Variants in NR4A2 observed in about 807,000 individuals in gnomAD.
The protein encoded by NR4A2 is NGFI-B/nur77 beta-type transcription factor homolog.
In NR4A2, 1 loss-of-function variant was observed where a neutral mutation model predicts 50.5. That is an observed-to-expected ratio of 0.02 (90% confidence interval 0.01 to 0.09). The LOEUF (loss-of-function observed/expected upper bound fraction) is 0.09, where lower values mean the gene tolerates loss of function less well. NR4A2 is among the 10% of genes least tolerant of loss of function. The pLI is 1.00. For missense variants in NR4A2, 613 were observed against 777.3 expected, an observed-to-expected ratio of 0.79 and a Z score of 2.51; for synonymous variants, 328 against 309.4, an observed-to-expected ratio of 1.06 and a Z score of -0.63.
chr2:156,329,919 T>C lies in NR4A2; in HGVS notation c.268A>G (p.Ile90Val), dbSNP rs1244358085. 6.2e-7 allele frequency: 1 copy of C among 1,614,130 alleles called. No homozygotes were observed. The highest frequency in any genetic ancestry group is 1.1e-5 in the South Asian group (1 of 91,082). ...QMPLSGQQSS[I>V]KVEDIQMHNY... ...TGCATCTGAATGTCTTCTACCTTAA[T>C]GGAGGACTGCTGTCCGGACAGGGGC... Residue 90 changes from isoleucine to valine, a missense_variant, in exon 3 of 8, where the codon ATT becomes GTT. This residue lies in a region of NR4A2 where 275 missense variants were observed against 248.9 expected (regional missense o/e 1.10). Coordinates refer to ENST00000339562, the MANE Select transcript of NR4A2 (RefSeq NM_006186.4). The surrounding 1 kb of genome is among the most constrained non-coding windows in gnomAD (Gnocchi z 7.5).
Position 156,329,674 on chromosome 2 carries a change from G to A in NR4A2, c.513C>T (p.Ser171=). The A allele has an allele frequency of 6.2e-7, 1 of 1,614,004 alleles. No individual in the cohort carries two copies. Among genetic ancestry groups the A allele is most frequent in the Non-Finnish European group, 8.5e-7 (1 of 1,179,940 alleles). The change falls in exon 3 of 8, where the codon TCC becomes TCT. Residue 171 remains serine, a synonymous_variant. Coordinates refer to ENST00000339562, the MANE Select transcript of NR4A2 (RefSeq NM_006186.4). The surrounding 1 kb of genome is among the most constrained non-coding windows in gnomAD (Gnocchi z 7.5). ...GCTTAAAGGAGAAGAGGGAGAGGCG[G>A]GAGACTGGCGTTTTCCTCTGCTCGA... The part of the protein sequence containing the change: ...HMIEQRKTPV[S]RLSLFSFKQS...
intron 1 of NR4A2, 147 bp downstream of exon 1, chr2:156,332,333 G>A: frequency 1.8e-6 from 1 of 557,590 alleles, no homozygotes; most frequent in Non-Finnish European, 2.9e-6. Context: ...CTGCGCGCAC[G>A]CACTCCCCAT....
rs1293045564 is a variant in NR4A2, at chr2:156,326,679, C to T, written c.1361+39G>A. On this transcript the variant is annotated intron_variant, in intron 6 of 7. Transcript: ENST00000339562. This position sits in a 1 kb window ranked among gnomAD's most constrained non-coding sequence, Gnocchi z 4.2. ...TTTCTTTTCCTTTCTTGATTTCTCT[C>T]ACAGCCTCCCTGGATTGTCTCCCTC... 4 of 1,572,314 alleles carry T rather than the reference C, an allele frequency of 2.5e-6. No individual in the cohort carries two copies. Among genetic ancestry groups the T allele is most frequent in the Non-Finnish European group, 3.4e-6 (4 of 1,161,010 alleles).
rs1553456029 is a variant in NR4A2 at position 156,326,708 on chromosome 2, C to T, written c.1361+10G>A. ...GCCTCCCTGGATTGTCTCCCTCCCT[C>T]CCTTATTACCTGTATGCTAATCGAA... On this transcript the variant is annotated intron_variant, in intron 6 of 7. Coordinates refer to ENST00000339562, the MANE Select transcript of NR4A2 (RefSeq NM_006186.4). This position sits in a 1 kb window ranked among gnomAD's most constrained non-coding sequence, Gnocchi z 4.2. 1.5e-5 allele frequency: 24 copies of T among 1,613,674 alleles called. No homozygotes were observed. Among genetic ancestry groups the T allele is most frequent in the Non-Finnish European group, 1.9e-5 (23 of 1,179,716 alleles).
In NR4A2 at chr2:156,325,659, A is replaced by ACGGCTAT. The variant is rs1367275844; in HGVS notation, c.*78_*84dup. 2 of 1,547,476 alleles carry ACGGCTAT rather than the reference A, an allele frequency of 1.3e-6. No homozygotes were observed. Among genetic ancestry groups the ACGGCTAT allele is most frequent in the African/African-American group, 2.7e-5 (2 of 73,486 alleles). ...GGCAGCTTGAGCTGAGACTGCTCAC[A>ACGGCTAT]CGGCTATCTCTGCCCATGTGACTTG... On this transcript the variant is annotated 3_prime_UTR_variant, in exon 8 of 8. Coordinates refer to ENST00000339562, the MANE Select transcript of NR4A2 (RefSeq NM_006186.4).
At position 156,328,132 on chromosome 2, in the gene NR4A2, C is replaced by T. The variant is rs778308914; in HGVS notation, c.995-118G>A. On this transcript the variant is annotated intron_variant, in intron 4 of 7. Coordinates refer to ENST00000339562, the MANE Select transcript of NR4A2 (RefSeq NM_006186.4). This position sits in a 1 kb window ranked among gnomAD's most constrained non-coding sequence, Gnocchi z 4.9. ...CACCAGGCTGAGCGGCTGAGGGCCC[C>T]AGTGCTTGTAAAGCCTTCACTGACT... The T allele has an allele frequency of 3.5e-5, 48 of 1,369,544 alleles. No homozygotes were observed. The highest frequency in any genetic ancestry group is 4.5e-5 in the Non-Finnish European group (44 of 988,312). 84.8% of individuals were successfully genotyped at this position (1,369,544 alleles called of 1,614,324 possible).
Position 156,326,350 on chromosome 2 carries a change from G to C in NR4A2, c.1362-22C>G. The C allele has an allele frequency of 1.2e-6, 2 of 1,605,422 alleles. No individual in the cohort carries two copies. Among genetic ancestry groups the C allele is most frequent in the Non-Finnish European group, 1.7e-6 (2 of 1,172,020 alleles). On this transcript the variant is annotated intron_variant, in intron 6 of 7. Coordinates refer to ENST00000339562, the MANE Select transcript of NR4A2 (RefSeq NM_006186.4). The surrounding 1 kb of genome is among the most constrained non-coding windows in gnomAD (Gnocchi z 4.2). ...GGACCTGCAATTAATACCAAAGAGAGAGAGGGGAGAAAAAGAGAGAGAGAA... is the reference window on the plus strand; with the variant it reads ...GGACCTGCAATTAATACCAAAGAGACAGAGGGGAGAAAAAGAGAGAGAGAA...
rs752681839 is a variant in NR4A2 at position 156,329,819 on chromosome 2, T to C, written c.368A>G (p.Lys123Arg). 1.2e-6 allele frequency: 2 copies of C among 1,614,096 alleles called. No individual in the cohort carries two copies. Among genetic ancestry groups the C allele is most frequent in the East Asian group, 2.2e-5 (1 of 44,876 alleles). ...GGTGGGCGTCGGGGGCGAGGAGGGC[T>C]TGTAGTAAACCGACCCGGAGTGCGG... ...MMPHSGSVYY[K>R]PSSPPTPTTP... is the part of the protein sequence containing the mutation. The change falls in exon 3 of 8, where the codon AAG (lysine) becomes AGG (arginine). Residue 123 changes from lysine (K) to arginine (R), a missense_variant. Lys to Arg is a conservative substitution (Grantham distance 26). Around this residue, in one of 4 missense-constraint regions of NR4A2, gnomAD observed 275 missense variants for 248.9 expected, o/e 1.10. Coordinates refer to ENST00000339562, the MANE Select transcript of NR4A2 (RefSeq NM_006186.4). This position sits in a 1 kb window ranked among gnomAD's most constrained non-coding sequence, Gnocchi z 7.5.
rs376055587 is a variant in NR4A2 at position 156,326,040 on chromosome 2, A to G, written c.1541-40T>C. On this transcript the variant is annotated intron_variant, in intron 7 of 7. Coordinates refer to ENST00000339562, the MANE Select transcript of NR4A2 (RefSeq NM_006186.4). The surrounding 1 kb of genome is among the most constrained non-coding windows in gnomAD (Gnocchi z 4.2). ...ATCAGAAACAAAAGAAGAATGTACA[A>G]GACAGTTAGCTAGTTGGCAAAACCA... The G allele has an allele frequency of 1.2e-5, 20 of 1,613,916 alleles. No homozygotes were observed. Among genetic ancestry groups the G allele is most frequent in the Non-Finnish European group, 1.5e-5 (18 of 1,179,962 alleles).
chr2:156,331,335 CT>C (rs1246682990), intron 1 of NR4A2, among the ~76,000 whole-genome samples: 2 of 152,208 alleles, frequency 1.3e-5, no homozygotes, highest in Non-Finnish European at 2.9e-5. Context: ...AGCATCCGCA[CT>C]TCTAAAGTGC....
chr2:156,326,136 C>A lies in NR4A2; in HGVS notation c.1540+14G>T, dbSNP rs890729993. ...AGTTCTGGAGGGGAAGCGCCCTGCGCCTGCAGTACTGACCTGTGACCATAG... is the reference window on the plus strand; with the variant it reads ...AGTTCTGGAGGGGAAGCGCCCTGCGACTGCAGTACTGACCTGTGACCATAG... On this transcript the variant is annotated intron_variant, in intron 7 of 7. Coordinates refer to ENST00000339562, the MANE Select transcript of NR4A2 (RefSeq NM_006186.4). This position sits in a 1 kb window ranked among gnomAD's most constrained non-coding sequence, Gnocchi z 4.2. 3.7e-6 allele frequency: 6 copies of A among 1,614,050 alleles called. No homozygotes were observed. Among genetic ancestry groups the A allele is most frequent in the Non-Finnish European group, 5.1e-6 (6 of 1,180,024 alleles).
At position 156,328,483 on chromosome 2, in the gene NR4A2, G is replaced by A. The variant is rs201103933; in HGVS notation, c.915C>T (p.Cys305=). 115 of 1,614,170 alleles carry A rather than the reference G, an allele frequency of 7.1e-5. 1 individual carries two copies. The highest frequency in any genetic ancestry group is 5.7e-4 in the South Asian group (52 of 91,088). ...GATTCCGGCGACGCTTGTCCACTGGGCAGTTTTTATTTGCTAAACACACGT... is the reference window on the plus strand; with the variant it reads ...GATTCCGGCGACGCTTGTCCACTGGACAGTTTTTATTTGCTAAACACACGT... ...AKYVCLANKN[C]PVDKRRRNRC... Residue 305 remains cysteine (C), a synonymous_variant, in exon 4 of 8, where the codon TGC becomes TGT. Transcript: ENST00000339562. The surrounding 1 kb of genome is among the most constrained non-coding windows in gnomAD (Gnocchi z 4.9).
chr2:156,328,340 T>C lies in NR4A2; in HGVS notation c.994+64A>G. 6.2e-7 allele frequency: 1 copy of C among 1,612,414 alleles called. No individual in the cohort carries two copies. The highest frequency in any genetic ancestry group is 8.5e-7 in the Non-Finnish European group (1 of 1,178,848). On this transcript the variant is annotated intron_variant, in intron 4 of 7. Coordinates refer to ENST00000339562, the MANE Select transcript of NR4A2 (RefSeq NM_006186.4). This position sits in a 1 kb window ranked among gnomAD's most constrained non-coding sequence, Gnocchi z 4.9. ...AGCACCGGGAAGTGGAACGTGATGC[T>C]GGAGTATGAGCAGTGGTTTCCTAAA...
At chr2:156,330,285 C>G (rs1686865733) in intron 2 of NR4A2, 97 bp from the exon 3 acceptor site, 1 of 1,461,846 alleles carries the variant, frequency 6.8e-7, no homozygotes, top group East Asian at 2.4e-5. Flanking sequence ...CAGCCCGCGG[C>G]AGTCAGAGAG....
chr2:156,330,300 T>C, intron 2 of NR4A2, 112 bp from the exon 3 acceptor site: 3 of 1,279,012 alleles, frequency 2.3e-6, no homozygotes, highest in Non-Finnish European at 3.3e-6. Context: ...AGAGAGCATG[T>C]AGGGGCGCGA....
In NR4A2 at chr2:156,327,937, G is replaced by T. The variant is rs767312193; in HGVS notation, c.1072C>A (p.Pro358Thr). The change falls in exon 5 of 8, where the codon CCT (proline) becomes ACT (threonine). Residue 358 changes from proline to threonine, a missense_variant. This residue lies in a region of NR4A2 where 250 missense variants were observed against 311.3 expected (regional missense o/e 0.80). Transcript: ENST00000339562. ...KPKSPQEPSP[P>T]SPPVSLISAL... ...CTGATCAGACTCACCGGGGGCGAAG[G>T]GGGAGAGGGCTCCTGTGGGCTCTTC... is the stretch of plus-strand genomic sequence containing the variant. The T allele has an allele frequency of 1.9e-6, 3 of 1,597,498 alleles. No homozygotes were observed. Among genetic ancestry groups the T allele is most frequent in the Non-Finnish European group, 2.6e-6 (3 of 1,171,090 alleles).
Position 156,325,907 on chromosome 2 carries a change from C to T in NR4A2, c.1634G>A (p.Gly545Glu), listed in dbSNP as rs1397319285. 6.8e-6 allele frequency: 11 copies of T among 1,614,044 alleles called. No homozygotes were observed. Among genetic ancestry groups the T allele is most frequent in the Non-Finnish European group, 5.1e-6 (6 of 1,180,024 alleles). ...GGACAAATAATTGGGGCGGTTCAAC[C>T]CCCCATTGTTGAAAGTCACGTGGTC... ...LKDHVTFNNG[G>E]LNRPNYLSKL... is the part of the protein sequence containing the mutation. Residue 545 changes from glycine (G) to glutamate (E), a missense_variant, in exon 8 of 8, where the codon GGG becomes GAG. Physicochemically the swap from Gly to Glu is moderately conservative, Grantham distance 98 (BLOSUM62 -2). Coordinates refer to ENST00000339562, the MANE Select transcript of NR4A2 (RefSeq NM_006186.4).
In NR4A2 at chr2:156,325,339, T is replaced by C; in HGVS notation, c.*405A>G. 1 of 277,510 alleles carries C rather than the reference T, an allele frequency of 3.6e-6. No homozygotes were observed. The highest frequency in any genetic ancestry group is 7.1e-6 in the Non-Finnish European group (1 of 140,952). 17.2% of individuals were successfully genotyped at this position (277,510 alleles called of 1,614,324 possible). The stretch of plus-strand genomic sequence containing the variant: ...AGATGTGTCTCTGTGTGTGTGTGTG[T>C]GTGTGTATGTGTGTGTGTGTTACAT... On this transcript the variant is annotated 3_prime_UTR_variant, in exon 8 of 8. Coordinates refer to ENST00000339562, the MANE Select transcript of NR4A2 (RefSeq NM_006186.4).
rs1686595283 is a variant in NR4A2 at position 156,325,354 on chromosome 2, G to A, written c.*390C>T. The A allele has an allele frequency of 6.2e-6, 2 of 322,494 alleles. No homozygotes were observed. Among genetic ancestry groups the A allele is most frequent in the Non-Finnish European group, 1.2e-5 (2 of 165,096 alleles). 20.0% of individuals were successfully genotyped at this position (322,494 alleles called of 1,614,324 possible). The stretch of plus-strand genomic sequence containing the variant: ...TGTGTGTGTGTGTGTGTATGTGTGT[G>A]TGTGTTACATTTGTCTGAACTGCAA... On this transcript the variant is annotated 3_prime_UTR_variant, in exon 8 of 8. Transcript: ENST00000339562.
Sources: gnomAD v4.1 joint callset for allele counts (sites outside exome capture counted in the v4.1 genomes callset) on GRCh38, gnomAD v4.1.1 for gene constraint, gnomAD v4.1.1 regional missense constraint, Gnocchi (gnomAD v3.1) non-coding constraint, MANE v1.5 for transcripts, NCBI Gene and HGNC (gene_info 2026-07-23, HGNC 2026-07-21) for gene names.